Variants in TEAD3 observed in about 807,000 individuals in gnomAD.
TEAD3 encodes the protein TEA domain transcription factor 3.
Under a neutral mutation model 55.6 loss-of-function variants are expected in TEAD3, and 15 were observed. The ratio of observed to expected loss-of-function variants is 0.27; its 90% CI spans 0.18 to 0.42. TEAD3 has a LOEUF of 0.42. Ranked by LOEUF, TEAD3 falls within the 10% of genes least tolerant of loss-of-function variation. The probability of loss-of-function intolerance (pLI) is 1.00; values close to 1 mark genes in which losing one functional copy is unlikely to be tolerated. For synonymous variants in TEAD3, 210 were observed against 232.2 expected (o/e 0.90, Z 0.87); for missense variants, 407 against 576.8 (o/e 0.71, Z 3.01).
chr6:35,478,738 GTC>G (rs1768205477), intron 5 of TEAD3, among the ~76,000 whole-genome samples, 167 bp from the exon 6 acceptor site: 1 of 152,192 alleles, frequency 6.6e-6, no homozygotes, highest in Admixed American at 6.5e-5. Flanking sequence ...TCTTGGGAGA[GTC>G]TCTGCACCTT....
At position 35,475,805 on chromosome 6, in the gene TEAD3, C is replaced by T. The variant is rs897155325; in HGVS notation, c.901-99G>A. 1.3e-4 allele frequency: 196 copies of T among 1,507,820 alleles called. No homozygotes were observed. The highest frequency in any genetic ancestry group is 1.6e-4 in the Non-Finnish European group (179 of 1,129,060). The allele number at this position is 1,507,820 out of a possible 1,614,324, so 93.4% of individuals were successfully genotyped here. ...TGCCCAAGGATCCATCTCTGGCACT[C>T]TGCCCACAAGCCATGAGGATGCAGC... On this transcript the variant is annotated intron_variant, in intron 10 of 12. Transcript: ENST00000639578. This position sits in a 1 kb window ranked among gnomAD's most constrained non-coding sequence, Gnocchi z 5.4.
At position 35,491,171 on chromosome 6, in the gene TEAD3, G is replaced by A. The variant is rs1337099724; in HGVS notation, c.-49-4460C>T. On this transcript the variant is annotated intron_variant, in intron 1 of 12. Transcript: ENST00000639578. This position sits in a 1 kb window ranked among gnomAD's most constrained non-coding sequence, Gnocchi z 4.4. ...CCAGTGGGGGACAGACCAGAGCCCC[G>A]CAGAGTGAAGGGAGAGACCCCAGGA... 3.3e-5 allele frequency among the ~76,000 whole-genome samples: 5 copies of A among 151,946 alleles called. No individual in the cohort carries two copies. The highest frequency in any genetic ancestry group is 2.1e-4 in the South Asian group (1 of 4,806).
exon 8 of TEAD3, chr6:35,477,359 C>T (rs1358076780): frequency 3.7e-6 from 6 of 1,602,594 alleles, no homozygotes; most frequent in Non-Finnish European, 5.1e-6. Flanking sequence ...GCTGGCTGTG[C>T]AAAGGGCTTG....
Position 35,484,453 on chromosome 6 carries a change from G to C in TEAD3, c.267+107C>G. 1 of 1,104,866 alleles carries C rather than the reference G, an allele frequency of 9.1e-7. No individual in the cohort carries two copies. Among genetic ancestry groups the C allele is most frequent in the Non-Finnish European group, 1.3e-6 (1 of 746,430 alleles). The allele number at this position is 1,104,866 out of a possible 1,614,324, so 68.4% of individuals were successfully genotyped here. A position where few individuals can be genotyped will look rare whatever the true frequency, so the allele number is the denominator to read the frequency against. On this transcript the variant is annotated intron_variant, in intron 3 of 12. Coordinates refer to ENST00000639578, the Ensembl canonical transcript of TEAD3. The surrounding 1 kb of genome is among the most constrained non-coding windows in gnomAD (Gnocchi z 5.8). ...ATGAGGCAAGGAGGGTGGCAGTCCA[G>C]GTCAGGGGCAGCCTCGAGGAGGTGG...
At chr6:35,476,256 T>C (rs761502513) in intron 9 of TEAD3, 46 bp downstream of exon 9, 2 of 1,595,090 alleles carry the variant, frequency 1.3e-6, no homozygotes, top group Non-Finnish European at 1.7e-6. Context: ...CCGGCCGGCC[T>C]CTCCACAATT....
In TEAD3 at chr6:35,483,447, T is replaced by G. The variant is rs1003735915; in HGVS notation, c.267+1113A>C. On this transcript the variant is annotated intron_variant, in intron 3 of 12. Transcript: ENST00000639578. This position sits in a 1 kb window ranked among gnomAD's most constrained non-coding sequence, Gnocchi z 4.5. ...GGGCCATCACTCCCATCCACTCCCC[T>G]TCAGGTTTCTGTCACTACACTGCCA... 5.3e-5 allele frequency among the ~76,000 whole-genome samples: 8 copies of G among 152,272 alleles called. No homozygotes were observed. Among genetic ancestry groups the G allele is most frequent in the African/African-American group, 1.9e-4 (8 of 41,548 alleles).
intron 1 of TEAD3, among the ~76,000 whole-genome samples, chr6:35,489,610 C>T (rs892254539): frequency 2.0e-5 from 3 of 152,216 alleles, no homozygotes; most frequent in Non-Finnish European, 4.4e-5. Context: ...TGCCCCTGAC[C>T]TGTCAGAGGG....
chr6:35,480,032 G>C (rs1197404194), intron 4 of TEAD3: 1 of 1,476,860 alleles, frequency 6.8e-7, no homozygotes, highest in African/African-American at 1.4e-5. Flanking sequence ...TGCTGGGCAG[G>C]CCAGGCCAGG....
At chr6:35,492,590 C>T (rs962098562) in intron 1 of TEAD3, among the ~76,000 whole-genome samples, 4 of 149,684 alleles carry the variant, frequency 2.7e-5, no homozygotes, top group African/African-American at 9.8e-5. Flanking sequence ...GAGGTGGGGG[C>T]CCCTCCACTC....
downstream of TEAD3, chr6:35,474,785 C>A: frequency 2.2e-6 from 1 of 456,924 alleles, no homozygotes; most frequent in Non-Finnish European, 3.9e-6. Context: ...CGAGGCTGGG[C>A]AGAGCAGGGT....
intron 1 of TEAD3, among the ~76,000 whole-genome samples, chr6:35,487,147 C>T (rs1467300591): frequency 6.6e-6 from 1 of 152,186 alleles, no homozygotes; most frequent in African/African-American, 2.4e-5. Flanking sequence ...TAGGCCGGCG[C>T]GATGGCTCAT....
chr6:35,474,092 C>G (rs1208190766), downstream of TEAD3: 1 of 152,180 alleles, frequency 6.6e-6, no homozygotes, highest in Non-Finnish European at 1.5e-5. Context: ...AGAGAAAAAT[C>G]AAAAGCCTTC....
In TEAD3 at chr6:35,481,472, C is replaced by A. The variant is rs76726647; in HGVS notation, c.268-1350G>T. On this transcript the variant is annotated intron_variant, in intron 3 of 12. Transcript: ENST00000639578. Reference sequence around the variant, plus strand: ...GTATGTGATACCACCTGGTTAGGACCTGGGTGGGTGCTCCTCACACTGCCT... The same window carrying A: ...GTATGTGATACCACCTGGTTAGGACATGGGTGGGTGCTCCTCACACTGCCT... Among the ~76,000 whole-genome samples the A allele has an allele frequency of 5.3e-4, 80 of 152,286 alleles. No individual in the cohort carries two copies. In the East Asian group the frequency reaches 0.011, roughly 22 times the overall value.
chr6:35,490,794 G>T (rs1460998810), intron 1 of TEAD3, among the ~76,000 whole-genome samples: 1 of 152,212 alleles, frequency 6.6e-6, no homozygotes, highest in Non-Finnish European at 1.5e-5. Flanking sequence ...CTGGACAGGT[G>T]CGGGCTGGGC....
At chr6:35,481,063 T>C (rs549106684) in intron 3 of TEAD3, among the ~76,000 whole-genome samples, 1 of 152,030 alleles carries the variant, frequency 6.6e-6, no homozygotes, top group South Asian at 2.1e-4. Context: ...TTTGCTCCCA[T>C]AACTTTTCCC....
At chr6:35,476,258 TCCA>T in intron 9 of TEAD3, 41 bp downstream of exon 9, 1 of 1,596,996 alleles carries the variant, frequency 6.3e-7, no homozygotes, top group East Asian at 2.3e-5. Context: ...GGCCGGCCTC[TCCA>T]CAATTGTGCA....
Position 35,483,511 on chromosome 6 carries a change from C to A in TEAD3, c.267+1049G>T, listed in dbSNP as rs1768303694. On this transcript the variant is annotated intron_variant, in intron 3 of 12. Transcript: ENST00000639578. This position sits in a 1 kb window ranked among gnomAD's most constrained non-coding sequence, Gnocchi z 4.5. ...AGAAGCCACTAACTGTCTCTTACAT[C>A]ATCATTTTTCTCCACTCCCACCACC... 6.6e-6 allele frequency among the ~76,000 whole-genome samples: 1 copy of A among 152,180 alleles called. No homozygotes were observed. Among genetic ancestry groups the A allele is most frequent in the East Asian group, 1.9e-4 (1 of 5,196 alleles).
intron 9 of TEAD3, 84 bp from the exon 10 acceptor site, chr6:35,476,176 G>T: frequency 6.5e-7 from 1 of 1,540,358 alleles, no homozygotes. Flanking sequence ...CACAGGTATA[G>T]AATTGCCTAG....
At chr6:35,477,998 GCACC>G (rs1561803895) in intron 7 of TEAD3, among the ~76,000 whole-genome samples, 1 of 150,524 alleles carries the variant, frequency 6.6e-6, no homozygotes, top group Non-Finnish European at 1.5e-5. Context: ...CTACAGGCAC[GCACC>G]ACCACACCCA....
Sources: allele counts gnomAD v4.1 joint callset (sites outside exome capture counted in the v4.1 genomes callset), GRCh38; gene constraint gnomAD v4.1.1; non-coding constraint Gnocchi (gnomAD v3.1); transcripts MANE v1.5; gene names NCBI Gene and HGNC (gene_info 2026-07-23, HGNC 2026-07-21).